Variants in FCHO1 observed in about 807,000 individuals in gnomAD.
FCHO1 encodes F-BAR domain only protein 1.
In FCHO1, 45 loss-of-function variants were observed where a neutral mutation model predicts 114.4. The observed-to-expected ratio is 0.39, with a 90% CI of 0.31 to 0.50. The LOEUF (loss-of-function observed/expected upper bound fraction) is 0.50, where lower values mean the gene tolerates loss of function less well. Among genes scored for constraint, FCHO1 ranks in the 20% least tolerant of loss-of-function variants. FCHO1 has a pLI of 0.77. For missense variants in FCHO1, 1,042 were observed against 1,209.6 expected (o/e 0.86, Z 2.06); for synonymous variants, 480 against 488.9 (o/e 0.98, Z 0.24).
At chr19:17,752,419 C>T (rs1435599549) in intron 1 of FCHO1, 2 of 151,308 alleles carry the variant, frequency 1.3e-5, no homozygotes, top group Non-Finnish European at 3.0e-5. Flanking sequence ...CCACCACGCC[C>T]TGCTGATTTT....
intron 9 of FCHO1, among the ~76,000 whole-genome samples, chr19:17,771,394 C>T (rs965606217): frequency 1.3e-5 from 2 of 149,356 alleles, no homozygotes; most frequent in African/African-American, 2.5e-5. Flanking sequence ...AAAGGCTGGG[C>T]GCGGTGGCTC....
At chr19:17,760,928 G>T (rs7253765) in intron 4 of FCHO1, among the ~76,000 whole-genome samples, 1 of 151,788 alleles carries the variant, frequency 6.6e-6, no homozygotes, top group Non-Finnish European at 1.5e-5. Flanking sequence ...GGATTACAGG[G>T]GTGAGCCACC....
chr19:17,766,972 T>C (rs2089463028), intron 7 of FCHO1, among the ~76,000 whole-genome samples, 162 bp downstream of exon 7: 1 of 152,234 alleles, frequency 6.6e-6, no homozygotes, highest in African/African-American at 2.4e-5. Context: ...CTGAGCGTTG[T>C]TGAATTTCAA....
Position 17,784,698 on chromosome 19 carries a change from CCTCT to C in FCHO1, c.2227-21_2227-18del. The stretch of plus-strand genomic sequence containing the variant: ...CAAGACAGGATGGCCCAAGCTGTGT[CCTCT>C]CTCTCATTCTCATTCTTCCTAGTTC... On this transcript the variant is annotated intron_variant, in intron 25 of 28. Transcript: ENST00000596536. This position sits in a 1 kb window ranked among gnomAD's most constrained non-coding sequence, Gnocchi z 5.3. 1.2e-6 allele frequency: 2 copies of C among 1,606,286 alleles called. No individual in the cohort carries two copies. Among genetic ancestry groups the C allele is most frequent in the Non-Finnish European group, 1.7e-6 (2 of 1,173,610 alleles).
chr19:17,757,182 TAAAAAA>T (rs768156240), intron 4 of FCHO1, among the ~76,000 whole-genome samples: 1 of 83,358 alleles, frequency 1.2e-5, no homozygotes, highest in Admixed American at 1.4e-4. Flanking sequence ...AGACTCCGTC[TAAAAAA>T]AAAAAAAAAA....
Position 17,775,942 on chromosome 19 carries a change from A to G in FCHO1, c.1004-41A>G, listed in dbSNP as rs753079430. 2.5e-6 allele frequency: 4 copies of G among 1,591,970 alleles called. No homozygotes were observed. The highest frequency in any genetic ancestry group is 3.4e-6 in the Non-Finnish European group (4 of 1,172,252). ...TGGATTGGAGAGCTGACTGGGGGAA[A>G]GCTTGTGTTGGGATTGGCTTGGACC... On this transcript the variant is annotated intron_variant, in intron 15 of 28. Coordinates refer to ENST00000596536, the MANE Select transcript of FCHO1 (RefSeq NM_015122.3). This position sits in a 1 kb window ranked among gnomAD's most constrained non-coding sequence, Gnocchi z 5.1.
Position 17,784,335 on chromosome 19 carries a change from C to T in FCHO1, c.2226+100C>T, listed in dbSNP as rs888251720. On this transcript the variant is annotated intron_variant, in intron 25 of 28. Coordinates refer to ENST00000596536, the MANE Select transcript of FCHO1 (RefSeq NM_015122.3). This position sits in a 1 kb window ranked among gnomAD's most constrained non-coding sequence, Gnocchi z 5.3. Reference sequence around the variant, plus strand: ...GCCTGCGTGTTGGCCAGGCTGGTCTCGAATTCCTGACCTCAAGAGATCCAA... The same window carrying T: ...GCCTGCGTGTTGGCCAGGCTGGTCTTGAATTCCTGACCTCAAGAGATCCAA... The T allele has an allele frequency of 3.3e-5, 47 of 1,419,200 alleles. No individual in the cohort carries two copies. Among genetic ancestry groups the T allele is most frequent in the African/African-American group, 2.4e-4 (17 of 70,432 alleles). The allele number at this position is 1,419,200 out of a possible 1,614,324, so 87.9% of individuals were successfully genotyped here. A position where few individuals can be genotyped will look rare whatever the true frequency, so the allele number is the denominator to read the frequency against.
chr19:17,774,523 TC>T (rs772651366), intron 13 of FCHO1, 45 bp downstream of exon 13: 1 of 1,496,872 alleles, frequency 6.7e-7, no homozygotes, highest in Non-Finnish European at 9.3e-7. Flanking sequence ...TAGACCGAGA[TC>T]CCCTCCCCTG....
rs886855848 is a variant in FCHO1 at position 17,762,867 on chromosome 19, G to A, written c.119+14G>A. The stretch of plus-strand genomic sequence containing the variant: ...CATCCGGGAGAGGTGAGGTCCCCAA[G>A]CCCCATCCACCAGAGGCCACGCCCA... On this transcript the variant is annotated intron_variant, in intron 5 of 28. Transcript: ENST00000596536. The A allele has an allele frequency of 2.5e-6, 4 of 1,588,586 alleles. No individual in the cohort carries two copies. The African/African-American group carries it at 5.4e-5, about 21-fold the overall frequency.
chr19:17,762,572 G>C, intron 4 of FCHO1, 190 bp from the exon 5 acceptor site: 3 of 586,964 alleles, frequency 5.1e-6, no homozygotes, highest in Non-Finnish European at 9.2e-6. Context: ...GCTTCTCTCT[G>C]ATTGGACAAA....
chr19:17,768,876 G>T (rs757157609), intron 7 of FCHO1, among the ~76,000 whole-genome samples: 16 of 152,102 alleles, frequency 1.1e-4, no homozygotes, highest in Admixed American at 3.3e-4. Flanking sequence ...CAGGCGTGGT[G>T]TGCATGCCTG....
chr19:17,787,562 T>G, intron 27 of FCHO1, 120 bp from the exon 28 acceptor site: 1 of 1,117,638 alleles, frequency 8.9e-7, no homozygotes, highest in Non-Finnish European at 1.2e-6. Flanking sequence ...CAAAGGGAGG[T>G]CTGATGGGGC....
In FCHO1 at chr19:17,784,072, G is replaced by C. The variant is rs751588572; in HGVS notation, c.2094-31G>C. The C allele has an allele frequency of 3.7e-6, 6 of 1,604,080 alleles. No individual in the cohort carries two copies. The South Asian group carries it at 6.6e-5, about 18-fold the overall frequency. On this transcript the variant is annotated intron_variant, in intron 24 of 28. Transcript: ENST00000596536. This position sits in a 1 kb window ranked among gnomAD's most constrained non-coding sequence, Gnocchi z 5.3. ...GGAGCCCTGGGAGGGCATGTCCCGA[G>C]GATTGGGGTGATCAGTCCGGGTCTC... is the stretch of plus-strand genomic sequence containing the variant.
At chr19:17,767,947 C>T (rs544928247) in intron 7 of FCHO1, among the ~76,000 whole-genome samples, 1 of 152,358 alleles carries the variant, frequency 6.6e-6, no homozygotes, top group African/African-American at 2.4e-5. Context: ...TCTTAGAATT[C>T]CACAATATCC....
rs751421628 is a variant in FCHO1 at position 17,770,590 on chromosome 19, TG to T, written c.489+20del. ...GGAGATGGACAAGGTGGGCTCACAG[TG>T]GGGGGGTTCTGAGGAATTTGCCGCG... On this transcript the variant is annotated intron_variant, in intron 8 of 28. Coordinates refer to ENST00000596536, the MANE Select transcript of FCHO1 (RefSeq NM_015122.3). The T allele has an allele frequency of 1.3e-5, 21 of 1,606,614 alleles. No homozygotes were observed. In the Admixed American group the frequency reaches 1.5e-4, roughly 12 times the overall value.
intron 8 of FCHO1, 90 bp from the exon 9 acceptor site, chr19:17,770,702 C>T (rs763087022): frequency 6.6e-5 from 105 of 1,584,252 alleles, no homozygotes; most frequent in Middle Eastern, 3.9e-4. Flanking sequence ...CCCTGGGTAC[C>T]CCGAGGAGTT....
At chr19:17,781,602 G>T in intron 22 of FCHO1, 63 bp downstream of exon 22, 1 of 1,588,672 alleles carries the variant, frequency 6.3e-7, no homozygotes. Flanking sequence ...GGTCTGGGTG[G>T]GTGGCTTCTC....
At chr19:17,761,576 C>T (rs1362057598) in intron 4 of FCHO1, among the ~76,000 whole-genome samples, 1 of 150,532 alleles carries the variant, frequency 6.6e-6, no homozygotes. Flanking sequence ...TTTAGGCCTT[C>T]CTATACATAA....
chr19:17,768,592 G>T (rs2090226492), intron 7 of FCHO1, among the ~76,000 whole-genome samples: 1 of 151,942 alleles, frequency 6.6e-6, no homozygotes, highest in African/African-American at 2.4e-5. Flanking sequence ...TACTCAGGAG[G>T]CTGAGACAGG....
Sources: allele counts gnomAD v4.1 joint callset (sites outside exome capture counted in the v4.1 genomes callset), GRCh38; gene constraint gnomAD v4.1.1; non-coding constraint Gnocchi (gnomAD v3.1); transcripts MANE v1.5; gene names NCBI Gene and HGNC (gene_info 2026-07-23, HGNC 2026-07-21).